PDE4B: variants seen among roughly 807,000 people sequenced by gnomAD.
PDE4B encodes phosphodiesterase 4B.
In PDE4B, 20 loss-of-function variants were observed where a neutral mutation model predicts 82.2. That is an observed-to-expected ratio of 0.24 (90% CI 0.17 to 0.35). The LOEUF is 0.35. PDE4B is among the 10% of genes least tolerant of loss of function. The pLI, the probability that PDE4B is intolerant of heterozygous loss-of-function variation, is 1.00. For missense variants in PDE4B, 655 were observed against 907.2 expected (o/e 0.72, Z 3.57); for synonymous variants, 320 against 318.9 (o/e 1.00, Z -0.04).
At chr1:66,059,533 C>T (rs999683899) in intron 3 of PDE4B, among the ~76,000 whole-genome samples, 33 of 152,180 alleles carry the variant, frequency 2.2e-4, no homozygotes, top group African/African-American at 7.7e-4. Context: ...GGAGGCCTCA[C>T]AATCATGGAG....
intron 8 of PDE4B, among the ~76,000 whole-genome samples, chr1:66,334,557 A>G (rs1660365611): frequency 6.6e-6 from 1 of 152,216 alleles, no homozygotes; most frequent in African/African-American, 2.4e-5. Flanking sequence ...GCTAACCCTA[A>G]CAAAAGGGCT....
At chr1:66,049,161 A>G (rs1557523888) in intron 3 of PDE4B, among the ~76,000 whole-genome samples, 1 of 152,026 alleles carries the variant, frequency 6.6e-6, no homozygotes, top group East Asian at 1.9e-4. Context: ...TCTATTGTGA[A>G]CCTGAATCCT....
intron 3 of PDE4B, among the ~76,000 whole-genome samples, chr1:66,234,576 A>G (rs1349136113): frequency 6.6e-6 from 1 of 152,210 alleles, no homozygotes. Context: ...GGCATGAGCC[A>G]CCGTGCCCAG....
intron 1 of PDE4B, among the ~76,000 whole-genome samples, chr1:65,838,933 T>A (rs185680457): frequency 6.6e-6 from 1 of 152,274 alleles, no homozygotes; most frequent in Admixed American, 6.5e-5. Context: ...CAAAAATACC[T>A]TGAAGCTAGT....
intron 3 of PDE4B, among the ~76,000 whole-genome samples, chr1:65,988,105 G>T (rs1392225014): frequency 6.6e-6 from 1 of 152,160 alleles, no homozygotes; most frequent in African/African-American, 2.4e-5. Context: ...AACAGTATTT[G>T]TCTGATATAT....
intron 3 of PDE4B, among the ~76,000 whole-genome samples, chr1:66,166,138 A>C (rs1047718698): frequency 3.3e-5 from 5 of 152,140 alleles, no homozygotes; most frequent in African/African-American, 4.8e-5. Context: ...TCAATGGGGG[A>C]GTGGGGGAAT....
At chr1:66,114,632 A>ATTT (rs139293880) in intron 3 of PDE4B, among the ~76,000 whole-genome samples, 14 of 132,374 alleles carry the variant, frequency 1.1e-4, no homozygotes, top group African/African-American at 1.2e-4. Context: ...GTAGCCCACA[A>ATTT]TTTTTTTTTT....
chr1:65,883,154 C>A (rs1646728921), intron 1 of PDE4B, among the ~76,000 whole-genome samples: 1 of 152,054 alleles, frequency 6.6e-6, no homozygotes, highest in Non-Finnish European at 1.5e-5. Flanking sequence ...TTTTTGGTTC[C>A]ATATGAACTT....
At chr1:65,884,796 A>C (rs1473662134) in intron 1 of PDE4B, among the ~76,000 whole-genome samples, 1 of 152,206 alleles carries the variant, frequency 6.6e-6, no homozygotes, top group African/African-American at 2.4e-5. Flanking sequence ...GGACATAGGC[A>C]TGGGCAAGGA....
chr1:66,020,180 A>G (rs943474039), intron 3 of PDE4B, among the ~76,000 whole-genome samples: 1 of 152,228 alleles, frequency 6.6e-6, no homozygotes, highest in Non-Finnish European at 1.5e-5. Flanking sequence ...GCTGGTCAAC[A>G]GTGTAGCTAG....
chr1:65,792,575 A>T (rs577937208), upstream of PDE4B: 8 of 151,840 alleles, frequency 5.3e-5, no homozygotes, highest in Non-Finnish European at 8.8e-5. Flanking sequence ...AGAGAGGGTT[A>T]TTTTGCAAAA....
chr1:65,893,687 G>GTTTTTATA (rs549871681), intron 1 of PDE4B, among the ~76,000 whole-genome samples: 1 of 151,662 alleles, frequency 6.6e-6, no homozygotes, highest in Non-Finnish European at 1.5e-5. Flanking sequence ...TATGAAACAT[G>GTTTTTATA]CACACATGTT....
intron 3 of PDE4B, among the ~76,000 whole-genome samples, chr1:66,045,093 A>G (rs941513336): frequency 1.3e-5 from 2 of 151,796 alleles, no homozygotes; most frequent in African/African-American, 4.8e-5. Context: ...CTCCTGCTCA[A>G]TGCATGATCT....
chr1:66,268,749 G>A (rs1171237494), intron 7 of PDE4B, among the ~76,000 whole-genome samples: 1 of 150,418 alleles, frequency 6.6e-6, no homozygotes, highest in Non-Finnish European at 1.5e-5. Context: ...TCACTATCCA[G>A]CCAAGGTTCT....
intron 1 of PDE4B, among the ~76,000 whole-genome samples, chr1:65,823,598 C>A (rs985009136): frequency 3.3e-5 from 5 of 152,044 alleles, no homozygotes; most frequent in African/African-American, 1.2e-4. Context: ...CATCCAGTCT[C>A]CCCACTATCA....
intron 3 of PDE4B, among the ~76,000 whole-genome samples, chr1:66,146,173 CTTTTTTTTTTT>C (rs36027532): frequency 2.0e-5 from 1 of 49,230 alleles, no homozygotes; most frequent in Non-Finnish European, 3.6e-5. Flanking sequence ...GGGTAGCATG[CTTTTTTTTTTT>C]TTTTTTTTTT....
At chr1:65,893,601 C>G (rs1646876309) in intron 1 of PDE4B, among the ~76,000 whole-genome samples, 1 of 151,954 alleles carries the variant, frequency 6.6e-6, no homozygotes, top group Non-Finnish European at 1.5e-5. Flanking sequence ...CCTTAAAGAA[C>G]TAAAAATAAA....
intron 3 of PDE4B, among the ~76,000 whole-genome samples, chr1:66,219,214 C>T (rs903481365): frequency 6.6e-6 from 1 of 152,050 alleles, no homozygotes; most frequent in Non-Finnish European, 1.5e-5. Flanking sequence ...GCGAGGGCAA[C>T]ATGATGGCAG....
At chr1:66,044,245 T>C (rs1242226257) in intron 3 of PDE4B, among the ~76,000 whole-genome samples, 2 of 151,760 alleles carry the variant, frequency 1.3e-5, no homozygotes, top group Admixed American at 1.3e-4. Context: ...TTGAGGTGTT[T>C]ATAATATTTC....
Sources: gnomAD v4.1 joint callset for allele counts (sites outside exome capture counted in the v4.1 genomes callset) on GRCh38, gnomAD v4.1.1 for gene constraint, MANE v1.5 for transcripts, NCBI Gene and HGNC (gene_info 2026-07-23, HGNC 2026-07-21) for gene names.